Variants in EFNA2 observed in about 807,000 individuals in gnomAD.
EFNA2 encodes ephrin-A2.
EFNA2 carries 18 observed loss-of-function variants against 19.7 expected under a neutral mutation model. The observed-to-expected ratio is 0.91, with a 90% CI of 0.63 to 1.35. EFNA2 has a LOEUF of 1.35. Ranked by LOEUF, EFNA2 falls within the 40% of genes most tolerant of loss-of-function variation. The pLI, the probability that EFNA2 is intolerant of heterozygous loss-of-function variation, is 0.00. For missense variants in EFNA2, 303 were observed against 296.0 expected (o/e 1.02, Z -0.17); for synonymous variants, 187 against 137.8 (o/e 1.36, Z -2.50).
Position 1,290,907 on chromosome 19 carries a change from G to C in EFNA2, c.140+4599G>C, listed in dbSNP as rs540631083. 2.1e-4 allele frequency among the ~76,000 whole-genome samples: 32 copies of C among 152,330 alleles called. No individual in the cohort carries two copies. The East Asian group carries it at 6.0e-3, about 29-fold the overall frequency. ...CTCTGTGGCCGAGTCGGTCCTGGTG[G>C]GGGGCTCGTGCCACACCTGCTCCCA... On this transcript the variant is annotated intron_variant, in intron 1 of 3. Coordinates refer to ENST00000215368, the MANE Select transcript of EFNA2 (RefSeq NM_001405.4).
rs754698846 is a variant in EFNA2, at chr19:1,286,150, C to A, written c.-19C>A. On this transcript the variant is annotated 5_prime_UTR_variant, in exon 1 of 4. Transcript: ENST00000215368. This position sits in a 1 kb window ranked among gnomAD's most constrained non-coding sequence, Gnocchi z 5.6. The stretch of plus-strand genomic sequence containing the variant: ...CAGGCGGCGGCCGGGAGAGCGAGCG[C>A]GGCGGCCGGACCGGGGCCATGGCGC... 134 of 912,798 alleles carry A rather than the reference C, an allele frequency of 1.5e-4. 2 individuals carry two copies. The South Asian group carries it at 5.9e-3, about 40-fold the overall frequency. The allele number at this position is 912,798 out of a possible 1,614,324, so 56.5% of individuals were successfully genotyped here.
chr19:1,289,505 A>G (rs2081481550), intron 1 of EFNA2, among the ~76,000 whole-genome samples: 1 of 152,094 alleles, frequency 6.6e-6, no homozygotes, highest in Admixed American at 6.5e-5. Context: ...TGGGGACGGG[A>G]CCAGGGCCCG....
At position 1,296,828 on chromosome 19, in the gene EFNA2, T is replaced by G. The variant is rs986944117; in HGVS notation, c.454+970T>G. On this transcript the variant is annotated intron_variant, in intron 2 of 3. Coordinates refer to ENST00000215368, the MANE Select transcript of EFNA2 (RefSeq NM_001405.4). The surrounding 1 kb of genome is among the most constrained non-coding windows in gnomAD (Gnocchi z 4.4). Reference sequence around the variant, plus strand: ...TCTGAAGGTTGGGTGGCGGCAGCCTTGGGGATAGTCACATCTGCAGGACCC... The same window carrying G: ...TCTGAAGGTTGGGTGGCGGCAGCCTGGGGGATAGTCACATCTGCAGGACCC... 6.6e-6 allele frequency among the ~76,000 whole-genome samples: 1 copy of G among 152,106 alleles called. No homozygotes were observed. The highest frequency in any genetic ancestry group is 1.5e-5 in the Non-Finnish European group (1 of 68,000).
chr19:1,292,081 C>T (rs1052689297), intron 1 of EFNA2, among the ~76,000 whole-genome samples: 12 of 152,234 alleles, frequency 7.9e-5, no homozygotes, highest in Non-Finnish European at 1.3e-4. Context: ...ATTTGCATAT[C>T]GAGGCTTCAT....
Position 1,286,195 on chromosome 19 carries a change from C to CCCGCTGCTGCTCCTGCTGTTA in EFNA2, c.35_55dup (p.Leu12_Leu18dup). ...TGGCGCCCGCGCAGCGCCCGCTGCT[C>CCCGCTGCTGCTCCTGCTGTTA]CCGCTGCTGCTCCTGCTGTTACCGC... On this transcript the variant is annotated inframe_insertion, in exon 1 of 4. Transcript: ENST00000215368. This position sits in a 1 kb window ranked among gnomAD's most constrained non-coding sequence, Gnocchi z 5.6. 9.6e-7 allele frequency: 1 copy of CCCGCTGCTGCTCCTGCTGTTA among 1,046,560 alleles called. No individual in the cohort carries two copies. Among genetic ancestry groups the CCCGCTGCTGCTCCTGCTGTTA allele is most frequent in the Non-Finnish European group, 1.2e-6 (1 of 867,454 alleles). The allele number at this position is 1,046,560 out of a possible 1,614,324, so 64.8% of individuals were successfully genotyped here.
rs2081519117 is a variant in EFNA2 at position 1,297,050 on chromosome 19, G to A, written c.454+1192G>A. Among the ~76,000 whole-genome samples the A allele has an allele frequency of 6.6e-6, 1 of 152,254 alleles. No homozygotes were observed. Among genetic ancestry groups the A allele is most frequent in the Admixed American group, 6.5e-5 (1 of 15,288 alleles). On this transcript the variant is annotated intron_variant, in intron 2 of 3. Coordinates refer to ENST00000215368, the MANE Select transcript of EFNA2 (RefSeq NM_001405.4). The surrounding 1 kb of genome is among the most constrained non-coding windows in gnomAD (Gnocchi z 5.0). The stretch of plus-strand genomic sequence containing the variant: ...GCGGGGGAATGAGGGGCCAGGCACT[G>A]CCCACCTGAGATGGGGATGATGGCA...
At chr19:1,298,413 G>A in intron 2 of EFNA2, 138 bp from the exon 3 acceptor site, 1 of 737,180 alleles carries the variant, frequency 1.4e-6, no homozygotes, top group Non-Finnish European at 2.3e-6. Context: ...GGGCTTTGAT[G>A]TACGATTAGG....
rs114092030 is a variant in EFNA2, at chr19:1,287,824, C to G, written c.140+1516C>G. Among the ~76,000 whole-genome samples the G allele has an allele frequency of 2.6e-5, 4 of 152,252 alleles. No individual in the cohort carries two copies. The highest frequency in any genetic ancestry group is 9.6e-5 in the African/African-American group (4 of 41,458). ...TTTTGGTTTCAGCTGCGGAATCTCC[C>G]GTCCCCAGCGTGGCCTGTCCTTTGT... is the stretch of plus-strand genomic sequence containing the variant. On this transcript the variant is annotated intron_variant, in intron 1 of 3. Coordinates refer to ENST00000215368, the MANE Select transcript of EFNA2 (RefSeq NM_001405.4). The surrounding 1 kb of genome is among the most constrained non-coding windows in gnomAD (Gnocchi z 6.2).
chr19:1,297,704 C>G lies in EFNA2; in HGVS notation c.455-847C>G, dbSNP rs1161119864. Among the ~76,000 whole-genome samples the G allele has an allele frequency of 6.6e-6, 1 of 152,154 alleles. No individual in the cohort carries two copies. Among genetic ancestry groups the G allele is most frequent in the Non-Finnish European group, 1.5e-5 (1 of 68,026 alleles). ...TCCTTGCAGACGCCCCCACTGCACT[C>G]CAGGATGCTTCTGGGGGCCCGAAAG... On this transcript the variant is annotated intron_variant, in intron 2 of 3. Transcript: ENST00000215368. This position sits in a 1 kb window ranked among gnomAD's most constrained non-coding sequence, Gnocchi z 5.0.
At chr19:1,288,359 T>A (rs2081475795) in intron 1 of EFNA2, among the ~76,000 whole-genome samples, 1 of 152,020 alleles carries the variant, frequency 6.6e-6, no homozygotes, top group Admixed American at 6.5e-5. Flanking sequence ...GGCCTCCGTA[T>A]CCAAGGGGAC....
intron 1 of EFNA2, among the ~76,000 whole-genome samples, chr19:1,288,090 G>T (rs755631145): frequency 6.6e-6 from 1 of 152,256 alleles, no homozygotes; most frequent in Non-Finnish European, 1.5e-5. Flanking sequence ...CCGCAGAGCC[G>T]ACCTGGGCAG....
In EFNA2 at chr19:1,296,665, C is replaced by A. The variant is rs1337096743; in HGVS notation, c.454+807C>A. Among the ~76,000 whole-genome samples the A allele has an allele frequency of 3.9e-5, 6 of 152,124 alleles. No homozygotes were observed. The highest frequency in any genetic ancestry group is 8.8e-5 in the Non-Finnish European group (6 of 68,012). On this transcript the variant is annotated intron_variant, in intron 2 of 3. Transcript: ENST00000215368. This position sits in a 1 kb window ranked among gnomAD's most constrained non-coding sequence, Gnocchi z 4.4. ...CCCTGTCTTTAAAAGAAGAAAAAAA[C>A]CCCACAGGGCCCCTGCCGCACCAGC...
intron 3 of EFNA2, among the ~76,000 whole-genome samples, chr19:1,299,390 C>T (rs1464431826): frequency 2.6e-5 from 4 of 151,928 alleles, no homozygotes; most frequent in Non-Finnish European, 5.9e-5. Context: ...AACCCCGTCT[C>T]TGCTGAAAAT....
intron 1 of EFNA2, among the ~76,000 whole-genome samples, chr19:1,290,906 G>A (rs1165110572): frequency 2.0e-5 from 3 of 152,210 alleles, no homozygotes; most frequent in South Asian, 2.1e-4. Context: ...CGGTCCTGGT[G>A]GGGGGCTCGT....
Position 1,296,002 on chromosome 19 carries a change from G to A in EFNA2, c.454+144G>A, listed in dbSNP as rs2081513557. The stretch of plus-strand genomic sequence containing the variant: ...GCGGGGCCGCGGTGTGGGGCCAGGG[G>A]GGAGTGGGCGGGGCCGCGGAATGGG... On this transcript the variant is annotated intron_variant, in intron 2 of 3. Coordinates refer to ENST00000215368, the MANE Select transcript of EFNA2 (RefSeq NM_001405.4). This position sits in a 1 kb window ranked among gnomAD's most constrained non-coding sequence, Gnocchi z 4.4. The A allele has an allele frequency of 1.6e-6, 1 of 624,978 alleles. No individual in the cohort carries two copies. Among genetic ancestry groups the A allele is most frequent in the Non-Finnish European group, 2.3e-6 (1 of 430,250 alleles). The allele number at this position is 624,978 out of a possible 1,614,324, so 38.7% of individuals were successfully genotyped here.
rs766458966 is a variant in EFNA2, at chr19:1,295,761, G to A, written c.357G>A (p.Ala119=). Residue 119 remains alanine (A), a synonymous_variant, in exon 2 of 4, where the codon GCG becomes GCA. Coordinates refer to ENST00000215368, the MANE Select transcript of EFNA2 (RefSeq NM_001405.4). The surrounding 1 kb of genome is among the most constrained non-coding windows in gnomAD (Gnocchi z 5.8). ...GCTGGGAGTGCAACCGGCCCGCGGC[G>A]CCCGGGGGGCCGCTCAAGTTCTCGG... ...FKRWECNRPA[A]PGGPLKFSEK... 3 of 1,604,056 alleles carry A rather than the reference G, an allele frequency of 1.9e-6. No homozygotes were observed. Among genetic ancestry groups the A allele is most frequent in the Non-Finnish European group, 1.7e-6 (2 of 1,176,516 alleles).
chr19:1,284,453 A>T (rs1429167008), upstream of EFNA2, among the ~76,000 whole-genome samples: 1 of 152,252 alleles, frequency 6.6e-6, no homozygotes, highest in African/African-American at 2.4e-5. The surrounding 1 kb of genome is among the most constrained non-coding windows in gnomAD (Gnocchi z 5.3). Context: ...TTGTCCTGGC[A>T]GGGACGCTAG....
At chr19:1,289,845 C>T (rs758316204) in intron 1 of EFNA2, among the ~76,000 whole-genome samples, 1 of 152,180 alleles carries the variant, frequency 6.6e-6, no homozygotes, top group Non-Finnish European at 1.5e-5. Flanking sequence ...TGGCGTCCCT[C>T]GGCCTCTCGG....
Position 1,287,263 on chromosome 19 carries a change from G to A in EFNA2, c.140+955G>A, listed in dbSNP as rs1435901747. 1.3e-5 allele frequency among the ~76,000 whole-genome samples: 2 copies of A among 152,162 alleles called. No individual in the cohort carries two copies. Among genetic ancestry groups the A allele is most frequent in the Non-Finnish European group, 2.9e-5 (2 of 68,012 alleles). The stretch of plus-strand genomic sequence containing the variant: ...AGGAGCAGGCTGCAGCTTCCCTGGG[G>A]GTCCCGTGGGAGCCGGGGCTTTGGG... On this transcript the variant is annotated intron_variant, in intron 1 of 3. Transcript: ENST00000215368. This position sits in a 1 kb window ranked among gnomAD's most constrained non-coding sequence, Gnocchi z 6.2.
Sources: allele counts gnomAD v4.1 joint callset (sites outside exome capture counted in the v4.1 genomes callset), GRCh38; gene constraint gnomAD v4.1.1; non-coding constraint Gnocchi (gnomAD v3.1); transcripts MANE v1.5; gene names NCBI Gene and HGNC (gene_info 2026-07-23, HGNC 2026-07-21).